RBFOX1: variants seen among roughly 807,000 people sequenced by gnomAD.
RBFOX1 encodes the protein RNA binding protein fox-1 homolog 1.
In RBFOX1, 8 loss-of-function variants were observed where a neutral mutation model predicts 57.7. The observed-to-expected ratio is 0.14, with a 90% CI of 0.08 to 0.25. RBFOX1 has a LOEUF of 0.25. Among genes scored for constraint, RBFOX1 ranks in the 10% least tolerant of loss-of-function variants. The pLI is 1.00. For missense variants in RBFOX1, 611 were observed against 548.5 expected (o/e 1.11, Z -1.14); for synonymous variants, 326 against 222.4 (o/e 1.47, Z -4.15).
chr16:7,272,883 C>A (rs1204598127), intron 4 of RBFOX1, among the ~76,000 whole-genome samples: 4 of 143,444 alleles, frequency 2.8e-5, no homozygotes. Flanking sequence ...TTCCTTCCCT[C>A]CTTTCTTCCT....
At chr16:6,031,846 G>A (rs1057274744) in intron 1 of RBFOX1, among the ~76,000 whole-genome samples, 11 of 152,138 alleles carry the variant, frequency 7.2e-5, no homozygotes, top group Non-Finnish European at 2.9e-5. Flanking sequence ...CTTTCTGTTT[G>A]TATGGTACAT....
At chr16:5,337,755 T>C (rs2064934717) in intron 1 of RBFOX1, among the ~76,000 whole-genome samples, 1 of 152,242 alleles carries the variant, frequency 6.6e-6, no homozygotes, top group South Asian at 2.1e-4. Flanking sequence ...GTTGTGGCCA[T>C]TGACTGAAGG....
chr16:5,761,140 C>T (rs2053576974), intron 3 of RBFOX1, among the ~76,000 whole-genome samples: 1 of 152,102 alleles, frequency 6.6e-6, no homozygotes, highest in East Asian at 1.9e-4. Context: ...GTGTTTCAAG[C>T]AAAAGAAGAA....
chr16:5,459,589 A>G (rs934968090), intron 1 of RBFOX1, among the ~76,000 whole-genome samples: 2 of 151,942 alleles, frequency 1.3e-5, no homozygotes, highest in Non-Finnish European at 2.9e-5. Flanking sequence ...CTTTCTCACG[A>G]TCCCCCAATT....
intron 2 of RBFOX1, among the ~76,000 whole-genome samples, chr16:5,567,253 A>T (rs1204371854): frequency 6.6e-6 from 1 of 152,150 alleles, no homozygotes; most frequent in Non-Finnish European, 1.5e-5. Context: ...TGGATATCCC[A>T]TGTGGACACG....
chr16:5,971,026 C>G (rs2059951063), intron 4 of RBFOX1, among the ~76,000 whole-genome samples: 2 of 152,184 alleles, frequency 1.3e-5, no homozygotes, highest in Non-Finnish European at 2.9e-5. Flanking sequence ...TGTGTCCATA[C>G]CAGAGGATGC....
chr16:7,366,057 G>C (rs186491860), intron 4 of RBFOX1, among the ~76,000 whole-genome samples: 40 of 152,272 alleles, frequency 2.6e-4, no homozygotes, highest in Non-Finnish European at 5.3e-4. Flanking sequence ...GCCTGGCGGA[G>C]GTCCAGGGCT....
intron 1 of RBFOX1, among the ~76,000 whole-genome samples, chr16:6,189,391 C>G (rs2097127959): frequency 6.6e-6 from 1 of 152,214 alleles, no homozygotes. Flanking sequence ...GCCAACTCAT[C>G]ATAAACTCCT....
chr16:6,354,176 T>C (rs985721507), intron 2 of RBFOX1, among the ~76,000 whole-genome samples: 15 of 152,150 alleles, frequency 9.9e-5, no homozygotes, highest in African/African-American at 3.4e-4. Context: ...GCCGAGATCA[T>C]GCTAGTGCAC....
At chr16:6,219,978 A>C (rs970915626) in intron 1 of RBFOX1, among the ~76,000 whole-genome samples, 1 of 152,192 alleles carries the variant, frequency 6.6e-6, no homozygotes, top group Non-Finnish European at 1.5e-5. Flanking sequence ...TATTCAGTAA[A>C]TAGGTGTCCG....
chr16:6,970,838 C>T (rs926587016), intron 3 of RBFOX1, among the ~76,000 whole-genome samples: 6 of 152,132 alleles, frequency 3.9e-5, no homozygotes, highest in South Asian at 2.1e-4. Context: ...TTGGAATATT[C>T]AGCATCAATA....
chr16:6,354,051 C>G (rs538293753), intron 2 of RBFOX1, among the ~76,000 whole-genome samples: 4 of 152,228 alleles, frequency 2.6e-5, no homozygotes, highest in African/African-American at 7.2e-5. Flanking sequence ...GAGACCCCGT[C>G]TCTACCAAAA....
chr16:5,454,857 T>G (rs28556753), intron 1 of RBFOX1, among the ~76,000 whole-genome samples: 85 of 14,370 alleles, frequency 5.9e-3, no homozygotes, highest in Non-Finnish European at 8.0e-3. Flanking sequence ...TTCTTTCTTT[T>G]CTTTCTTTCT....
At chr16:6,563,796 A>G (rs937816177) in intron 2 of RBFOX1, among the ~76,000 whole-genome samples, 13 of 152,016 alleles carry the variant, frequency 8.6e-5, no homozygotes, top group African/African-American at 3.1e-4. Context: ...ACTGCAATCC[A>G]GTCTAGGAGA....
At chr16:6,301,022 C>G (rs917995342) in intron 1 of RBFOX1, among the ~76,000 whole-genome samples, 1 of 152,000 alleles carries the variant, frequency 6.6e-6, no homozygotes, top group Non-Finnish European at 1.5e-5. Flanking sequence ...AAAATGAACA[C>G]AAGTAACTTA....
At chr16:5,525,431 C>A (rs2044201870) in intron 2 of RBFOX1, among the ~76,000 whole-genome samples, 1 of 150,700 alleles carries the variant, frequency 6.6e-6, no homozygotes, top group South Asian at 2.1e-4. Flanking sequence ...TATCCAAGGT[C>A]ACACAGGGTG....
At chr16:5,672,245 G>T (rs1258051119) in intron 3 of RBFOX1, among the ~76,000 whole-genome samples, 2 of 152,158 alleles carry the variant, frequency 1.3e-5, no homozygotes, top group African/African-American at 4.8e-5. Context: ...CTTTGGAACT[G>T]TCTGGGCAGA....
intron 3 of RBFOX1, among the ~76,000 whole-genome samples, chr16:6,693,649 A>G (rs1221898094): frequency 8.0e-6 from 1 of 124,616 alleles, no homozygotes; most frequent in South Asian, 2.7e-4. Flanking sequence ...TCACCACCAC[A>G]ATCATCATCA....
chr16:5,615,815 C>A (rs1030789754), intron 3 of RBFOX1, among the ~76,000 whole-genome samples: 1 of 152,192 alleles, frequency 6.6e-6, no homozygotes, highest in East Asian at 1.9e-4. Context: ...GGGAGCCCAC[C>A]AGTGTTAGCA....
Sources: gnomAD v4.1 joint callset for allele counts (sites outside exome capture counted in the v4.1 genomes callset) on GRCh38, gnomAD v4.1.1 for gene constraint, MANE v1.5 for transcripts, NCBI Gene and HGNC (gene_info 2026-07-23, HGNC 2026-07-21) for gene names.